Variants in OSBPL8 observed in about 807,000 individuals in gnomAD.
OSBPL8 encodes the protein oxysterol-binding protein-related protein 8.
OSBPL8 carries 59 observed loss-of-function variants against 125.5 expected under a neutral mutation model. The observed-to-expected ratio is 0.47, with a 90% CI of 0.38 to 0.58. The LOEUF is 0.58. Among genes scored for constraint, OSBPL8 ranks in the 20% least tolerant of loss-of-function variants. OSBPL8 has a pLI of 0.00. For synonymous variants in OSBPL8, 330 were observed against 338.9 expected (o/e 0.97, Z 0.29); for missense variants, 758 against 1,047.8 (o/e 0.72, Z 3.82).
intron 16 of OSBPL8, among the ~76,000 whole-genome samples, chr12:76,377,633 GA>G (rs1952880288): frequency 6.6e-6 from 1 of 152,020 alleles, no homozygotes; most frequent in Non-Finnish European, 1.5e-5. Context: ...ATGTTTTCAT[GA>G]ATCAGTTCCC....
chr12:76,507,989 G>A (rs1033046976), intron 1 of OSBPL8, among the ~76,000 whole-genome samples: 1 of 148,632 alleles, frequency 6.7e-6, no homozygotes, highest in Non-Finnish European at 1.5e-5. Context: ...TGACCAACAT[G>A]GTGAAACCCT....
At chr12:76,375,138 G>C (rs867781219) in intron 17 of OSBPL8, 135 bp downstream of exon 17, 3 of 571,222 alleles carry the variant, frequency 5.3e-6, no homozygotes, top group Middle Eastern at 4.9e-4. Flanking sequence ...TTCCTTAGAT[G>C]CACTTATCCT....
At chr12:76,388,080 T>C (rs1040988110) in intron 12 of OSBPL8, among the ~76,000 whole-genome samples, 1 of 152,232 alleles carries the variant, frequency 6.6e-6, no homozygotes, top group Non-Finnish European at 1.5e-5. Flanking sequence ...CACACAATTC[T>C]GGAGGTCCCT....
At chr12:76,414,730 G>C (rs928280294) in intron 4 of OSBPL8, among the ~76,000 whole-genome samples, 8 of 151,834 alleles carry the variant, frequency 5.3e-5, no homozygotes, top group Admixed American at 1.3e-4. Flanking sequence ...TGGAATTACA[G>C]GTATAAGCCA....
intron 21 of OSBPL8, among the ~76,000 whole-genome samples, chr12:76,368,153 C>T (rs1023991261): frequency 4.6e-5 from 7 of 152,050 alleles, no homozygotes; most frequent in African/African-American, 1.7e-4. Flanking sequence ...TAATTTCTCC[C>T]CCATTTTCGA....
chr12:76,523,122 G>C (rs1362836624), intron 1 of OSBPL8, among the ~76,000 whole-genome samples: 1 of 152,200 alleles, frequency 6.6e-6, no homozygotes, highest in African/African-American at 2.4e-5. Context: ...ACAGGCATGA[G>C]CCACCATGCC....
At position 76,431,062 on chromosome 12, in the gene OSBPL8, CTT is replaced by C. The variant is rs543512841; in HGVS notation, c.217+19787_217+19788del. Among the ~76,000 whole-genome samples the C allele has an allele frequency of 5.5e-4, 84 of 151,956 alleles. 1 individual carries two copies. The highest frequency in any genetic ancestry group is 1.2e-3 in the Non-Finnish European group (79 of 67,974). ...GAAGTAGAATAACTATAAAGACAAA[CTT>C]ATTGATAGGAACACAATACAGAAAG... On this transcript the variant is annotated intron_variant, in intron 4 of 23. Transcript: ENST00000261183.
At chr12:76,440,597 T>C (rs1872072588) in intron 4 of OSBPL8, among the ~76,000 whole-genome samples, 1 of 152,174 alleles carries the variant, frequency 6.6e-6, no homozygotes, top group Admixed American at 6.5e-5. Context: ...CATATAAATA[T>C]GTGCTTGTGT....
intron 4 of OSBPL8, among the ~76,000 whole-genome samples, chr12:76,436,804 T>C (rs1175858275): frequency 6.6e-6 from 1 of 152,188 alleles, no homozygotes; most frequent in Non-Finnish European, 1.5e-5. Context: ...ATAACACATG[T>C]GTATTATAAA....
intron 2 of OSBPL8, 93 bp downstream of exon 2, chr12:76,487,417 G>T: frequency 1.1e-6 from 1 of 952,142 alleles, no homozygotes; most frequent in Non-Finnish European, 1.5e-6. Flanking sequence ...TTAAAAGTTT[G>T]TTGTTAATAT....
chr12:76,544,271 C>T (rs1565985959), intron 1 of OSBPL8, among the ~76,000 whole-genome samples: 3 of 152,136 alleles, frequency 2.0e-5, no homozygotes, highest in Non-Finnish European at 4.4e-5. Context: ...AAATGGCCTT[C>T]TTCATTTTGA....
intron 10 of OSBPL8, among the ~76,000 whole-genome samples, chr12:76,391,280 G>A (rs1953545258): frequency 6.6e-6 from 1 of 152,130 alleles, no homozygotes; most frequent in African/African-American, 2.4e-5. Context: ...TTAACCTATG[G>A]ACTAAAATCA....
intron 4 of OSBPL8, among the ~76,000 whole-genome samples, chr12:76,415,152 C>T (rs917551315): frequency 8.5e-5 from 13 of 152,158 alleles, no homozygotes; most frequent in African/African-American, 3.1e-4. Context: ...TTGTGCAAGA[C>T]TAGAATTATT....
At chr12:76,480,167 CAAAAAAAAAAAAA>C (rs57582036) in intron 2 of OSBPL8, among the ~76,000 whole-genome samples, 4 of 56,386 alleles carry the variant, frequency 7.1e-5, no homozygotes, top group Non-Finnish European at 9.2e-5. Context: ...AACTCCATCT[CAAAAAAAAAAAAA>C]AAAAAAAAAA....
chr12:76,485,153 C>G (rs1378825956), intron 2 of OSBPL8, among the ~76,000 whole-genome samples: 1 of 151,912 alleles, frequency 6.6e-6, no homozygotes, highest in African/African-American at 2.4e-5. Flanking sequence ...GAGCTCCTGA[C>G]CTCAGGTGAT....
rs1359959875 is a variant in OSBPL8 at position 76,528,729 on chromosome 12, G to C, written c.-68+30668C>G. Reference sequence around the variant, plus strand: ...AGCTATAGTATTAGCTATAGCTATAGCTACAGACAGCTACTAGGGAAGGCT... The same window carrying C: ...AGCTATAGTATTAGCTATAGCTATACCTACAGACAGCTACTAGGGAAGGCT... On this transcript the variant is annotated intron_variant, in intron 1 of 23. Transcript: ENST00000261183. Among the ~76,000 whole-genome samples the C allele has an allele frequency of 2.6e-5, 4 of 151,966 alleles. No individual in the cohort carries two copies. In the East Asian group the frequency reaches 7.7e-4, roughly 29 times the overall value.
chr12:76,506,159 A>T (rs1349836888), intron 1 of OSBPL8, among the ~76,000 whole-genome samples: 5 of 152,262 alleles, frequency 3.3e-5, no homozygotes, highest in African/African-American at 1.2e-4. Context: ...GAACTTAAGC[A>T]GAGTTTGTGC....
intron 8 of OSBPL8, among the ~76,000 whole-genome samples, chr12:76,396,038 G>A (rs1319751017): frequency 6.7e-6 from 1 of 150,136 alleles, no homozygotes; most frequent in Non-Finnish European, 1.5e-5. Flanking sequence ...TAGTATTTTT[G>A]TATATGTATA....
At chr12:76,408,986 T>C (rs1408894564) in intron 5 of OSBPL8, among the ~76,000 whole-genome samples, 2 of 150,708 alleles carry the variant, frequency 1.3e-5, no homozygotes, top group African/African-American at 5.0e-5. Flanking sequence ...TGCTTGAAAA[T>C]AGATCTTTTT....
Sources: allele counts gnomAD v4.1 joint callset (sites outside exome capture counted in the v4.1 genomes callset), GRCh38; gene constraint gnomAD v4.1.1; transcripts MANE v1.5; gene names NCBI Gene and HGNC (gene_info 2026-07-23, HGNC 2026-07-21).